OPCML: variants seen among roughly 807,000 people sequenced by gnomAD.
OPCML encodes the protein opioid binding protein/cell adhesion molecule like.
Under a neutral mutation model 37.8 loss-of-function variants are expected in OPCML, and 13 were observed. The observed-to-expected ratio is 0.34, with a 90% CI of 0.22 to 0.55. OPCML has a LOEUF of 0.55. Among genes scored for constraint, OPCML ranks in the 20% least tolerant of loss-of-function variants. The pLI is 0.91. For missense variants in OPCML, 341 were observed against 435.6 expected (o/e 0.78, Z 1.93); for synonymous variants, 176 against 168.8 (o/e 1.04, Z -0.33).
At position 133,090,069 on chromosome 11, in the gene OPCML, A is replaced by T. The variant is rs546777861; in HGVS notation, c.62-147059T>A. 3.9e-5 allele frequency among the ~76,000 whole-genome samples: 6 copies of T among 152,306 alleles called. 2 individuals carry two copies. Among genetic ancestry groups the T allele is most frequent in the African/African-American group, 1.4e-4 (6 of 41,568 alleles). On this transcript the variant is annotated intron_variant, in intron 1 of 7. Transcript: ENST00000524381. ...TAGTCTCCTCTGAATCCTCTTCTCT[A>T]CTAGGCCTTGTCGTTGGCTCGGTTT...
At chr11:133,326,501 T>TAC in intron 1 of OPCML, among the ~76,000 whole-genome samples, 1 of 124,496 alleles carries the variant, frequency 8.0e-6, no homozygotes, top group Non-Finnish European at 1.6e-5. Context: ...TGGGTGTGTG[T>TAC]ATGTGTGGGA....
chr11:132,572,585 C>T (rs1056825777), intron 3 of OPCML, among the ~76,000 whole-genome samples: 14 of 152,128 alleles, frequency 9.2e-5, no homozygotes, highest in Admixed American at 5.9e-4. Context: ...TTTCTGGGTT[C>T]TTTATTCTGT....
At chr11:132,560,092 G>A (rs2096407309) in intron 3 of OPCML, among the ~76,000 whole-genome samples, 1 of 152,140 alleles carries the variant, frequency 6.6e-6, no homozygotes, top group South Asian at 2.1e-4. Flanking sequence ...TGTGCCTATT[G>A]TGGGAAATGT....
At chr11:133,088,661 G>A (rs1948855758) in intron 1 of OPCML, among the ~76,000 whole-genome samples, 2 of 152,138 alleles carry the variant, frequency 1.3e-5, no homozygotes, top group Admixed American at 1.3e-4. Flanking sequence ...TATATAACAT[G>A]GATAAATAAC....
At chr11:133,382,252 TGCC>T in intron 1 of OPCML, among the ~76,000 whole-genome samples, 1 of 152,220 alleles carries the variant, frequency 6.6e-6, no homozygotes, top group East Asian at 1.9e-4. Flanking sequence ...GCTGTGTGGA[TGCC>T]GTGCATTTAA....
Position 133,149,993 on chromosome 11 carries a change from G to A in OPCML, c.62-206983C>T, listed in dbSNP as rs556433024. ...GGTGCTTGTGTTCTCCCAGAACTCC[G>A]TCCCTGCCTACAGAGGGCTCCAGCC... On this transcript the variant is annotated intron_variant, in intron 1 of 7. Coordinates refer to ENST00000524381, the MANE Select transcript of OPCML (RefSeq NM_001012393.5). Among the ~76,000 whole-genome samples the A allele has an allele frequency of 1.4e-3, 210 of 152,288 alleles. 1 individual carries two copies. The highest frequency in any genetic ancestry group is 7.2e-3 in the Admixed American group (110 of 15,304).
chr11:132,455,569 C>T (rs1391701985), intron 4 of OPCML, among the ~76,000 whole-genome samples: 3 of 152,154 alleles, frequency 2.0e-5, no homozygotes, highest in East Asian at 3.9e-4. Context: ...TCTTTGTTTA[C>T]ATTTGTTCAT....
chr11:133,321,936 T>C (rs1034718750), intron 1 of OPCML, among the ~76,000 whole-genome samples: 100 of 151,998 alleles, frequency 6.6e-4, no homozygotes, highest in Admixed American at 2.2e-3. Context: ...GCATATAATA[T>C]CCGAAACCAT....
intron 1 of OPCML, among the ~76,000 whole-genome samples, chr11:133,253,006 C>T (rs1379821642): frequency 2.0e-5 from 3 of 152,062 alleles, no homozygotes; most frequent in East Asian, 1.9e-4. Context: ...ATTAGCTGGG[C>T]GTGGTGGTGG....
chr11:133,018,533 C>T (rs80311370), intron 1 of OPCML, among the ~76,000 whole-genome samples: 1,882 of 152,184 alleles, frequency 0.012, 83 homozygotes, highest in East Asian at 0.12. Context: ...TTTTGTAGAT[C>T]GGAAAATCCG....
At chr11:133,308,196 A>T (rs1362691523) in intron 1 of OPCML, among the ~76,000 whole-genome samples, 1 of 152,166 alleles carries the variant, frequency 6.6e-6, no homozygotes, top group East Asian at 1.9e-4. Flanking sequence ...AACAAAAATC[A>T]CCAGCAATAC....
At chr11:133,024,333 G>A (rs898594812) in intron 1 of OPCML, 2 of 984,870 alleles carry the variant, frequency 2.0e-6, no homozygotes, top group Non-Finnish European at 2.4e-6. Context: ...GGAAGGAAGT[G>A]CGTTCTTTAC....
intron 1 of OPCML, among the ~76,000 whole-genome samples, chr11:133,401,643 T>G (rs1227865082): frequency 6.6e-6 from 1 of 152,096 alleles, no homozygotes; most frequent in Non-Finnish European, 1.5e-5. Context: ...GGTTTTAATA[T>G]GACAGAGGTT....
chr11:132,909,827 A>G lies in OPCML; in HGVS notation c.146+33099T>C, dbSNP rs183344741. Among the ~76,000 whole-genome samples, 441 of 152,364 alleles carry G rather than the reference A, an allele frequency of 2.9e-3. 1 individual carries two copies. The highest frequency in any genetic ancestry group is 0.01 in the African/African-American group (420 of 41,580). ...CAATATTGCTTCTGCCTCACTTGCC[A>G]TTTAATGTTAAGAGGCTTCTAGAAT... On this transcript the variant is annotated intron_variant, in intron 2 of 7. Transcript: ENST00000524381.
intron 1 of OPCML, among the ~76,000 whole-genome samples, chr11:133,430,877 A>T (rs985677779): frequency 3.3e-5 from 5 of 152,230 alleles, no homozygotes; most frequent in African/African-American, 9.6e-5. Context: ...CTTATACTCA[A>T]TATTGGCAAA....
At chr11:133,387,512 CA>C (rs1327924066) in intron 1 of OPCML, among the ~76,000 whole-genome samples, 1 of 152,210 alleles carries the variant, frequency 6.6e-6, no homozygotes. Flanking sequence ...CCCTTGCTAC[CA>C]GAGTTCTTCT....
chr11:132,554,883 T>TTTTTTTTTTTTTTTC lies in OPCML; in HGVS notation c.380-25698_380-25697insGAAAAAAAAAAAAAA, dbSNP rs1255603307. ...GTAAAGTTTTTTTTTTTTTTTTTTT[T>TTTTTTTTTTTTTTTC]TTTTTTTTCATTAGCTCTATGGTTA... On this transcript the variant is annotated intron_variant, in intron 3 of 7. Transcript: ENST00000524381. Among the ~76,000 whole-genome samples the TTTTTTTTTTTTTTTC allele has an allele frequency of 1.5e-3, 183 of 125,712 alleles. 2 individuals carry two copies. The highest frequency in any genetic ancestry group is 4.6e-3 in the East Asian group (13 of 2,842). The allele number at this position is 125,712 out of a possible 152,430, so 82.5% of individuals were successfully genotyped here. A position where few individuals can be genotyped will look rare whatever the true frequency, so the allele number is the denominator to read the frequency against.
At chr11:133,140,788 G>A (rs543199767) in intron 1 of OPCML, among the ~76,000 whole-genome samples, 2,634 of 126,054 alleles carry the variant, frequency 0.021, 159 homozygotes, top group African/African-American at 0.077. Flanking sequence ...AGAAGACGAC[G>A]AAGAAGAAGA....
At chr11:132,907,972 AT>A (rs1944301943) in intron 2 of OPCML, among the ~76,000 whole-genome samples, 1 of 152,176 alleles carries the variant, frequency 6.6e-6, no homozygotes. Flanking sequence ...TGAAAAAAAA[AT>A]TGACTAAATG....
Sources: gnomAD v4.1 joint callset for allele counts (sites outside exome capture counted in the v4.1 genomes callset) on GRCh38, gnomAD v4.1.1 for gene constraint, MANE v1.5 for transcripts, NCBI Gene and HGNC (gene_info 2026-07-23, HGNC 2026-07-21) for gene names.